The following CDC5L variants were observed in gnomAD, a reference collection of about 807,000 sequenced individuals.
CDC5L encodes cell division cycle 5-like protein.
CDC5L carries 18 observed loss-of-function variants against 104.1 expected under a neutral mutation model. The observed-to-expected ratio is 0.17, with a 90% CI of 0.12 to 0.26. CDC5L has a LOEUF of 0.26. Ranked by LOEUF, CDC5L falls within the 10% of genes least tolerant of loss-of-function variation. The pLI is 1.00. For missense variants in CDC5L, 673 were observed against 956.9 expected (o/e 0.70, Z 3.91); for synonymous variants, 331 against 322.7 (o/e 1.03, Z -0.28).
intron 1 of CDC5L, among the ~76,000 whole-genome samples, chr6:44,390,054 C>T (rs879009934): frequency 6.6e-5 from 10 of 152,134 alleles, no homozygotes; most frequent in South Asian, 6.2e-4. Flanking sequence ...GGGTGGGTAG[C>T]TGTCTTTCTA....
rs769155730 is a variant in CDC5L, at chr6:44,429,815, A to C, written c.1996A>C (p.Ser666Arg). ...AYNQVWEECY[S>R]QVLYLPGQSR... ...TAACCAGGTGTGGGAAGAATGCTAC[A>C]GTCAAGTTTTATATCTTCCTGGGCA... The change falls in exon 14 of 16, where the codon AGT (serine) becomes CGT (arginine). Residue 666 changes from serine to arginine, a missense_variant. Around this residue, in one of 4 missense-constraint regions of CDC5L, gnomAD observed 578 missense variants for 737.0 expected, o/e 0.78. Transcript: ENST00000371477. The C allele has an allele frequency of 6.2e-7, 1 of 1,614,136 alleles. No individual in the cohort carries two copies. Among genetic ancestry groups the C allele is most frequent in the Non-Finnish European group, 8.5e-7 (1 of 1,179,944 alleles).
chr6:44,408,609 G>C lies in CDC5L; in HGVS notation c.1069G>C (p.Ala357Pro), dbSNP rs1791486711. 3 of 1,606,882 alleles carry C rather than the reference G, an allele frequency of 1.9e-6. No homozygotes were observed. Among genetic ancestry groups the C allele is most frequent in the Admixed American group, 3.4e-5 (2 of 59,390 alleles). The change falls in exon 8 of 16, where the codon GCT becomes CCT. Residue 357 changes from alanine (A) to proline (P), a missense_variant. By Grantham distance (27) the Ala-to-Pro change is conservative (BLOSUM62 -1). Transcript: ENST00000371477. ...SVALRTPRTPASQDRILQEAQ... is the reference protein window; with the variant it reads ...SVALRTPRTPPSQDRILQEAQ... ...TGCTCTTAGAACACCACGAACACCA[G>C]CTTCCCAGGACAGAATTCTGCAGGT... is the stretch of plus-strand genomic sequence containing the variant.
At chr6:44,408,345 G>T (rs1791470673) in intron 7 of CDC5L, 99 bp from the exon 8 acceptor site, 5 of 776,374 alleles carry the variant, frequency 6.4e-6, no homozygotes, top group South Asian at 2.1e-5. Context: ...CAAACAGTTT[G>T]CCCTCCTCGG....
intron 14 of CDC5L, among the ~76,000 whole-genome samples, chr6:44,433,832 G>A (rs1473322574): frequency 6.6e-6 from 1 of 152,120 alleles, no homozygotes; most frequent in Non-Finnish European, 1.5e-5. Flanking sequence ...CATTTTCTCA[G>A]TGATTTTCAT....
intron 8 of CDC5L, among the ~76,000 whole-genome samples, chr6:44,409,592 G>C (rs1017480688): frequency 6.6e-6 from 1 of 152,162 alleles, no homozygotes. Context: ...GCTAATACTT[G>C]TTTTATTCAG....
Position 44,404,027 on chromosome 6 carries a change from C to A in CDC5L, c.758C>A (p.Ser253Tyr), listed in dbSNP as rs749488119. The change falls in exon 6 of 16, where the codon TCT becomes TAT. Residue 253 changes from serine to tyrosine, a missense_variant and splice_region_variant. By Grantham distance (144) the Ser-to-Tyr change is moderately radical. Transcript: ENST00000371477. Reference sequence around the variant, plus strand: ...CAGGATCTTGATGGGGAGCTAAGATCGTAAGTTGCCTTTCTGATTTTGGAA... The same window carrying A: ...CAGGATCTTGATGGGGAGCTAAGATAGTAAGTTGCCTTTCTGATTTTGGAA... The part of the protein sequence containing the change: ...RQQDLDGELR[S>Y]EKEGRDRKKD... 12 of 1,599,498 alleles carry A rather than the reference C, an allele frequency of 7.5e-6. No individual in the cohort carries two copies. In the African/African-American group the frequency reaches 1.4e-4, roughly 18 times the overall value.
chr6:44,408,137 T>A (rs979258391), intron 7 of CDC5L, among the ~76,000 whole-genome samples: 4 of 152,148 alleles, frequency 2.6e-5, no homozygotes, highest in Non-Finnish European at 5.9e-5. Flanking sequence ...AGCTATATTA[T>A]GGAAACTTTC....
chr6:44,421,958 C>G (rs1397937393), intron 9 of CDC5L, among the ~76,000 whole-genome samples: 1 of 152,092 alleles, frequency 6.6e-6, no homozygotes, highest in African/African-American at 2.4e-5. Flanking sequence ...TAACACCTTA[C>G]CTATCAGGAA....
At chr6:44,423,380 A>G (rs1440125771) in intron 10 of CDC5L, among the ~76,000 whole-genome samples, 2 of 152,234 alleles carry the variant, frequency 1.3e-5, no homozygotes, top group East Asian at 1.9e-4. Context: ...GAGGGGATCT[A>G]AAGTTGAATA....
intron 7 of CDC5L, 49 bp from the exon 8 acceptor site, chr6:44,408,395 C>A: frequency 6.9e-7 from 1 of 1,442,136 alleles, no homozygotes; most frequent in Non-Finnish European, 9.6e-7. Flanking sequence ...AGCCACTGTG[C>A]CCGGCCTCAG....
chr6:44,437,885 G>A (rs1294352603), intron 14 of CDC5L, among the ~76,000 whole-genome samples: 2 of 152,204 alleles, frequency 1.3e-5, no homozygotes, highest in African/African-American at 4.8e-5. Flanking sequence ...TTAAGGTTTT[G>A]GAATGTGTGT....
intron 14 of CDC5L, among the ~76,000 whole-genome samples, chr6:44,432,893 A>G (rs1792750375): frequency 6.6e-6 from 1 of 152,196 alleles, no homozygotes; most frequent in Admixed American, 6.5e-5. Context: ...AGGAAAGGAA[A>G]AGTTATGAGA....
In CDC5L at chr6:44,408,509, T is replaced by C; in HGVS notation, c.969T>C (p.Thr323=). The change falls in exon 8 of 16, where the codon ACT becomes ACC. Residue 323 remains threonine, a synonymous_variant. Coordinates refer to ENST00000371477, the MANE Select transcript of CDC5L (RefSeq NM_001253.4). The part of the protein sequence containing the change: ...VGQASEIARQ[T]AEESGITNSA... ...AAGCGAGTGAAATTGCACGTCAAACTGCCGAGGAATCTGGCATAACAAATT... is the reference window on the plus strand; with the variant it reads ...AAGCGAGTGAAATTGCACGTCAAACCGCCGAGGAATCTGGCATAACAAATT... 1 of 1,614,106 alleles carries C rather than the reference T, an allele frequency of 6.2e-7. No individual in the cohort carries two copies.
At chr6:44,424,278 C>T in intron 10 of CDC5L, 141 bp from the exon 11 acceptor site, 1 of 715,432 alleles carries the variant, frequency 1.4e-6, no homozygotes, top group Non-Finnish European at 2.3e-6. Context: ...TGAAACCATC[C>T]AATTATTCTT....
intron 8 of CDC5L, among the ~76,000 whole-genome samples, chr6:44,409,173 G>A (rs11571969): frequency 5.9e-5 from 9 of 152,088 alleles, no homozygotes; most frequent in African/African-American, 9.7e-5. Flanking sequence ...GCTTTGATTC[G>A]CGGCAAACAG....
At chr6:44,395,835 A>G (rs542527551) in intron 4 of CDC5L, among the ~76,000 whole-genome samples, 29 of 152,312 alleles carry the variant, frequency 1.9e-4, no homozygotes, top group East Asian at 7.7e-4. Context: ...ATTCCATTCT[A>G]TAGAGCCACG....
At chr6:44,398,062 G>C (rs975304459) in intron 5 of CDC5L, among the ~76,000 whole-genome samples, 2 of 152,168 alleles carry the variant, frequency 1.3e-5, no homozygotes, top group Admixed American at 6.5e-5. Flanking sequence ...GTAATTAATG[G>C]CTTTGAAGTG....
intron 5 of CDC5L, among the ~76,000 whole-genome samples, chr6:44,400,466 C>T (rs1167522941): frequency 6.6e-6 from 1 of 152,230 alleles, no homozygotes; most frequent in African/African-American, 2.4e-5. Context: ...CGGCTCACTG[C>T]AACTTCTACC....
chr6:44,400,109 A>G (rs1036632884), intron 5 of CDC5L, among the ~76,000 whole-genome samples: 1 of 152,028 alleles, frequency 6.6e-6, no homozygotes, highest in African/African-American at 2.4e-5. Flanking sequence ...TGTTTGATGC[A>G]ACGTTGTTAT....
Sources: gnomAD v4.1 joint callset for allele counts (sites outside exome capture counted in the v4.1 genomes callset) on GRCh38, gnomAD v4.1.1 for gene constraint, gnomAD v4.1.1 regional missense constraint, MANE v1.5 for transcripts, NCBI Gene and HGNC (gene_info 2026-07-23, HGNC 2026-07-21) for gene names.